TMEM108: variants seen among roughly 807,000 people sequenced by gnomAD.
TMEM108 encodes cancer/testis antigen 124.
A neutral mutation model predicts 35.1 loss-of-function variants in TMEM108; 12 were observed. The ratio of observed to expected loss-of-function variants is 0.34; its 90% CI spans 0.22 to 0.55. The LOEUF is 0.55. Ranked by LOEUF, TMEM108 falls within the 20% of genes least tolerant of loss-of-function variation. The pLI is 0.89. For missense variants in TMEM108, 680 were observed against 753.3 expected, an observed-to-expected ratio of 0.90 and a Z score of 1.14; for synonymous variants, 287 against 308.6, an observed-to-expected ratio of 0.93 and a Z score of 0.73.
At position 133,064,108 on chromosome 3, in the gene TMEM108, C is replaced by T. The variant is rs1386932566; in HGVS notation, c.-47+18088C>T. 4.6e-5 allele frequency among the ~76,000 whole-genome samples: 7 copies of T among 152,016 alleles called. No homozygotes were observed. The East Asian group carries it at 5.8e-4, about 13-fold the overall frequency. ...AATGTCTGCCAGTCTGAGGACAGAG[C>T]GTGTGTGATGGTGCCCTGTAAGACT... On this transcript the variant is annotated intron_variant, in intron 2 of 5. Coordinates refer to ENST00000321871, the MANE Select transcript of TMEM108 (RefSeq NM_023943.4).
chr3:133,317,430 A>G (rs1273744726), intron 3 of TMEM108, among the ~76,000 whole-genome samples: 2 of 152,200 alleles, frequency 1.3e-5, no homozygotes, highest in Non-Finnish European at 2.9e-5. Flanking sequence ...ATGTATCAAT[A>G]ATATGATTTT....
At chr3:133,291,530 G>C (rs1361823027) in intron 3 of TMEM108, among the ~76,000 whole-genome samples, 3 of 151,990 alleles carry the variant, frequency 2.0e-5, no homozygotes, top group African/African-American at 7.3e-5. Flanking sequence ...CTCCCACCTG[G>C]GGCTCCCAAA....
chr3:133,174,938 G>A (rs1945193255), intron 2 of TMEM108, among the ~76,000 whole-genome samples: 1 of 152,154 alleles, frequency 6.6e-6, no homozygotes, highest in Non-Finnish European at 1.5e-5. Context: ...AAAAAAATTA[G>A]ACGAATGGAT....
rs141560610 is a variant in TMEM108, at chr3:133,043,170, A to G, written c.-165-2732A>G. ...TTAAGTTGGGTCCATGGACTCCCCA[A>G]CATCTCTCTGGATAGGAGAATCTTT... is the stretch of plus-strand genomic sequence containing the variant. On this transcript the variant is annotated intron_variant, in intron 1 of 5. Coordinates refer to ENST00000321871, the MANE Select transcript of TMEM108 (RefSeq NM_023943.4). Among the ~76,000 whole-genome samples the G allele has an allele frequency of 2.4e-3, 367 of 152,334 alleles. 2 individuals carry two copies. Among genetic ancestry groups the G allele is most frequent in the African/African-American group, 8.2e-3 (342 of 41,574 alleles).
intron 2 of TMEM108, among the ~76,000 whole-genome samples, chr3:133,103,367 A>G (rs776480979): frequency 2.0e-5 from 3 of 152,168 alleles, no homozygotes; most frequent in Non-Finnish European, 4.4e-5. Context: ...CTCACTTACA[A>G]GTGAGAGCTA....
At chr3:133,288,512 A>G (rs970852024) in intron 3 of TMEM108, among the ~76,000 whole-genome samples, 1 of 152,146 alleles carries the variant, frequency 6.6e-6, no homozygotes, top group Admixed American at 6.5e-5. Context: ...GTTTGCTCAA[A>G]TACGCTAGTG....
chr3:133,380,091 C>T lies in TMEM108; in HGVS notation c.380C>T (p.Ser127Phe), dbSNP rs1372004876. 6.2e-7 allele frequency: 1 copy of T among 1,614,052 alleles called. No individual in the cohort carries two copies. Among genetic ancestry groups the T allele is most frequent in the Admixed American group, 1.7e-5 (1 of 60,032 alleles). The change falls in exon 4 of 6, where the codon TCC becomes TTC. Residue 127 changes from serine to phenylalanine, a missense_variant. Ser to Phe is a radical substitution (Grantham distance 155). This residue lies in a region of TMEM108 where 526 missense variants were observed against 532.1 expected (regional missense o/e 0.99). Transcript: ENST00000321871. The surrounding 1 kb of genome is among the most constrained non-coding windows in gnomAD (Gnocchi z 5.3). ...PAPAAMATTS[S>F]KPEGRPRGQA... ...CCAGCAGCCATGGCAACCACATCCT[C>T]CAAGCCAGAGGGCCGCCCTCGAGGG...
intron 3 of TMEM108, among the ~76,000 whole-genome samples, chr3:133,232,004 C>T (rs959428983): frequency 6.6e-6 from 1 of 152,100 alleles, no homozygotes; most frequent in African/African-American, 2.4e-5. Context: ...CCCTTTTCTT[C>T]ATTCTGCCAT....
At chr3:133,357,844 G>A (rs150453131) in intron 3 of TMEM108, among the ~76,000 whole-genome samples, 107 of 152,178 alleles carry the variant, frequency 7.0e-4, no homozygotes, top group African/African-American at 2.4e-3. Context: ...TACACTGCTC[G>A]GGTGGCAGAT....
chr3:133,110,200 AT>A (rs1302121409), intron 2 of TMEM108, among the ~76,000 whole-genome samples: 1 of 152,196 alleles, frequency 6.6e-6, no homozygotes, highest in Non-Finnish European at 1.5e-5. Flanking sequence ...AGAGAGCTAC[AT>A]AAACTTAAAC....
At chr3:133,179,448 C>T (rs1945294359) in intron 2 of TMEM108, among the ~76,000 whole-genome samples, 2 of 152,024 alleles carry the variant, frequency 1.3e-5, no homozygotes, top group Admixed American at 1.3e-4. Context: ...AAATGTGGCA[C>T]ATATACACCA....
At chr3:133,383,218 T>C (rs1182567165) in intron 4 of TMEM108, among the ~76,000 whole-genome samples, 2 of 152,168 alleles carry the variant, frequency 1.3e-5, no homozygotes, top group African/African-American at 2.4e-5. Flanking sequence ...CATTCCGTTA[T>C]TTTTTTATCA....
At chr3:133,098,489 G>A (rs562296782) in intron 2 of TMEM108, among the ~76,000 whole-genome samples, 8 of 152,118 alleles carry the variant, frequency 5.3e-5, no homozygotes, top group African/African-American at 1.7e-4. Flanking sequence ...TATGCCTTCC[G>A]AACAGTCCCC....
chr3:133,307,555 G>A (rs1320676660), intron 3 of TMEM108, among the ~76,000 whole-genome samples: 1 of 152,142 alleles, frequency 6.6e-6, no homozygotes, highest in Non-Finnish European at 1.5e-5. Flanking sequence ...TGTATAAGGT[G>A]TAAGGAAAAG....
At chr3:133,178,665 G>A (rs2107799823) in intron 2 of TMEM108, among the ~76,000 whole-genome samples, 1 of 152,214 alleles carries the variant, frequency 6.6e-6, no homozygotes, top group South Asian at 2.1e-4. Context: ...AATCCAAGGT[G>A]GATTAAAGAC....
rs544233337 is a variant in TMEM108 at position 133,071,291 on chromosome 3, C to T, written c.-47+25271C>T. Among the ~76,000 whole-genome samples, 8 of 152,218 alleles carry T rather than the reference C, an allele frequency of 5.3e-5. No individual in the cohort carries two copies. In the East Asian group the frequency reaches 1.5e-3, roughly 29 times the overall value. ...ATCAGGGTGTCAGCAGGGTTGGTTT[C>T]TTCTGAGCCCTCTCTCCTCATCTTG... On this transcript the variant is annotated intron_variant, in intron 2 of 5. Coordinates refer to ENST00000321871, the MANE Select transcript of TMEM108 (RefSeq NM_023943.4).
At chr3:133,234,134 G>A (rs1012559183) in intron 3 of TMEM108, among the ~76,000 whole-genome samples, 4 of 152,064 alleles carry the variant, frequency 2.6e-5, no homozygotes, top group Admixed American at 2.6e-4. Flanking sequence ...GTCCTGAATG[G>A]TAATGCCTAG....
intron 2 of TMEM108, among the ~76,000 whole-genome samples, chr3:133,115,423 G>A (rs1442675677): frequency 6.6e-6 from 1 of 152,162 alleles, no homozygotes; most frequent in Non-Finnish European, 1.5e-5. Flanking sequence ...TTAACCCCAA[G>A]AGGAAAATGC....
intron 2 of TMEM108, among the ~76,000 whole-genome samples, chr3:133,175,717 CAT>C (rs1406632964): frequency 2.5e-4 from 35 of 137,768 alleles, no homozygotes; most frequent in African/African-American, 5.2e-4. Flanking sequence ...ACTGCAAAAA[CAT>C]GCCAAATTGT....
Sources: gnomAD v4.1 joint callset for allele counts (sites outside exome capture counted in the v4.1 genomes callset) on GRCh38, gnomAD v4.1.1 for gene constraint, gnomAD v4.1.1 regional missense constraint, Gnocchi (gnomAD v3.1) non-coding constraint, MANE v1.5 for transcripts, NCBI Gene and HGNC (gene_info 2026-07-23, HGNC 2026-07-21) for gene names.